Variants in KLF8 observed in about 807,000 individuals in gnomAD.
KLF8 encodes the protein Krueppel-like factor 8.
A neutral mutation model predicts 18.2 loss-of-function variants in KLF8; 10 were observed. That is an observed-to-expected ratio of 0.55 (90% CI 0.34 to 0.93). The LOEUF (loss-of-function observed/expected upper bound fraction) is 0.93, where lower values mean the gene tolerates loss of function less well. Ranked by LOEUF, KLF8 falls within the 40% of genes least tolerant of loss-of-function variation. The probability of loss-of-function intolerance (pLI) is 0.02; values close to 1 mark genes in which losing one functional copy is unlikely to be tolerated. For synonymous variants in KLF8, 109 were observed against 97.3 expected (o/e 1.12, Z -0.71); for missense variants, 264 against 277.9 (o/e 0.95, Z 0.36).
At chrX:56,275,062 G>C (rs780033164) in intron 5 of KLF8, among the ~76,000 whole-genome samples, 5 of 111,384 alleles carry the variant, frequency 4.5e-5, no homozygotes, top group Non-Finnish European at 7.5e-5. Flanking sequence ...TTTTGATAGA[G>C]ATTGCATTAA....
chrX:56,269,027 CGTTG>C, intron 3 of KLF8: 1 of 828,393 alleles, frequency 1.2e-6, no homozygotes, highest in Non-Finnish European at 1.5e-6. Context: ...CACACACACA[CGTTG>C]AAACTAACTT....
At position 56,233,010 on chromosome X, in the gene KLF8, G is replaced by T. The variant is rs2147549634; in HGVS notation, c.-325G>T. ...TATTTTTGTCCAAGGAAAAGCTGCA[G>T]GGGGGAGGATTCTTTTTAGGAAGTC... On this transcript the variant is annotated 5_prime_UTR_variant, in exon 1 of 6. The change creates a new upstream start codon in the 5' untranslated region. Coordinates refer to ENST00000468660, the MANE Select transcript of KLF8 (RefSeq NM_007250.5). The T allele has an allele frequency of 3.1e-6, 1 of 319,713 alleles. No individual in the cohort carries two copies. Among genetic ancestry groups the T allele is most frequent in the Non-Finnish European group, 5.6e-6 (1 of 179,903 alleles). The allele number at this position is 319,713 out of a possible 1,213,427, so 26.3% of individuals were successfully genotyped here.
the KLF8 span, among the ~76,000 whole-genome samples, chrX:56,155,047 G>T: frequency 2.7e-5 from 3 of 111,629 alleles, no homozygotes; most frequent in East Asian, 2.8e-4. Context: ...GTCAGTGTGG[G>T]GATTCCTCAG....
the KLF8 span, among the ~76,000 whole-genome samples, chrX:56,069,792 T>A: frequency 8.9e-6 from 1 of 111,850 alleles, no homozygotes; most frequent in Non-Finnish European, 1.9e-5. Flanking sequence ...CCAGCGGTCT[T>A]GCCCAGCTTC....
chrX:55,947,685 A>G, the KLF8 span, among the ~76,000 whole-genome samples: 1 of 111,505 alleles, frequency 9.0e-6, no homozygotes, highest in Non-Finnish European at 1.9e-5. Context: ...ATCAGAGCAG[A>G]ATCAAATCAA....
chrX:56,141,985 A>T, the KLF8 span, among the ~76,000 whole-genome samples: 1 of 111,790 alleles, frequency 8.9e-6, no homozygotes, highest in Admixed American at 9.5e-5. Context: ...GCAAATCAAG[A>T]CTTCTGTGCC....
chrX:56,208,197 G>A, the KLF8 span, among the ~76,000 whole-genome samples: 1 of 111,360 alleles, frequency 9.0e-6, no homozygotes, highest in Admixed American at 9.5e-5. Context: ...TTTATTTATG[G>A]TTCAATCTTG....
chrX:55,994,205 C>T, the KLF8 span, among the ~76,000 whole-genome samples: 25 of 101,827 alleles, frequency 2.5e-4, no homozygotes, highest in South Asian at 6.6e-3. Flanking sequence ...GCACTGCACT[C>T]GGCTTATAGA....
the KLF8 span, among the ~76,000 whole-genome samples, chrX:56,088,482 G>A: frequency 9.0e-6 from 1 of 111,621 alleles, no homozygotes; most frequent in Non-Finnish European, 1.9e-5. Context: ...ATTAAGGATA[G>A]TAAGGATATA....
chrX:56,095,078 GTATTA>G, the KLF8 span, among the ~76,000 whole-genome samples: 278 of 110,892 alleles, frequency 2.5e-3, 1 homozygote, highest in African/African-American at 8.8e-3. Flanking sequence ...AAAGCTGGAG[GTATTA>G]TATTACCTGA....
the KLF8 span, among the ~76,000 whole-genome samples, chrX:56,174,462 G>A: frequency 1.8e-5 from 2 of 111,861 alleles, no homozygotes; most frequent in African/African-American, 3.2e-5. Flanking sequence ...GATCATGGTT[G>A]ATAAGCTTTT....
the KLF8 span, among the ~76,000 whole-genome samples, chrX:56,169,268 AC>A: frequency 9.0e-6 from 1 of 111,533 alleles, no homozygotes; most frequent in Non-Finnish European, 1.9e-5. Context: ...CACATTCCCA[AC>A]CGCGGTGGCT....
At chrX:56,099,800 G>A in the KLF8 span, among the ~76,000 whole-genome samples, 3 of 111,917 alleles carry the variant, frequency 2.7e-5, no homozygotes, top group African/African-American at 6.5e-5. Flanking sequence ...TGAAGAGGCT[G>A]CAGAAGAAAA....
chrX:56,239,396 A>C (rs2066517511), intron 1 of KLF8, among the ~76,000 whole-genome samples: 1 of 112,084 alleles, frequency 8.9e-6, no homozygotes, highest in Non-Finnish European at 1.9e-5. Context: ...AAAACATGAA[A>C]TCTGCATTTG....
At chrX:56,153,206 G>GT in the KLF8 span, among the ~76,000 whole-genome samples, 1 of 110,655 alleles carries the variant, frequency 9.0e-6, no homozygotes, top group Admixed American at 9.7e-5. Context: ...AGGCTTAAGA[G>GT]TAACGTTACC....
the KLF8 span, among the ~76,000 whole-genome samples, chrX:56,191,641 T>G: frequency 2.7e-5 from 3 of 111,813 alleles, 1 homozygote; most frequent in East Asian, 8.4e-4. Flanking sequence ...CAAGGATGGT[T>G]CAGAACATGC....
chrX:56,056,671 G>A, the KLF8 span, among the ~76,000 whole-genome samples: 1 of 61,199 alleles, frequency 1.6e-5, no homozygotes, highest in Non-Finnish European at 2.8e-5. Context: ...AGGGGGGAGG[G>A]ATAACATTGG....
the KLF8 span, among the ~76,000 whole-genome samples, chrX:56,053,544 G>GTTTTTTTTTTTTTTT: frequency 1.5e-5 from 1 of 68,740 alleles, no homozygotes; most frequent in Non-Finnish European, 2.4e-5. Flanking sequence ...TCTTTTCTTT[G>GTTTTTTTTTTTTTTT]TTTTTTTTTT....
chrX:56,169,221 G>A, the KLF8 span, among the ~76,000 whole-genome samples: 5 of 111,428 alleles, frequency 4.5e-5, no homozygotes, highest in Non-Finnish European at 9.4e-5. Context: ...TAGACCTTGG[G>A]TAAGACTCAG....
Sources: allele counts gnomAD v4.1 joint callset (sites outside exome capture counted in the v4.1 genomes callset), GRCh38; gene constraint gnomAD v4.1.1; transcripts MANE v1.5; gene names NCBI Gene and HGNC (gene_info 2026-07-23, HGNC 2026-07-21).